The following AGBL4 variants were observed in gnomAD, a reference collection of about 807,000 sequenced individuals.
AGBL4 encodes the protein cytosolic carboxypeptidase 6.
A neutral mutation model predicts 66.4 loss-of-function variants in AGBL4; 58 were observed. The observed-to-expected ratio is 0.87, with a 90% CI of 0.71 to 1.09. The LOEUF is 1.09. Among genes scored for constraint, AGBL4 ranks in the 50% least tolerant of loss-of-function variants. The pLI, the probability that AGBL4 is intolerant of heterozygous loss-of-function variation, is 0.00. For missense variants in AGBL4, 579 were observed against 631.0 expected (o/e 0.92, Z 0.88); for synonymous variants, 234 against 222.9 (o/e 1.05, Z -0.44).
chr1:49,151,357 T>A (rs1646329754), intron 4 of AGBL4, among the ~76,000 whole-genome samples: 1 of 151,350 alleles, frequency 6.6e-6, no homozygotes, highest in Admixed American at 6.6e-5. Flanking sequence ...CAGGGAAGTT[T>A]TTGTCACCAT....
At chr1:49,010,724 C>T (rs1309901860) in intron 5 of AGBL4, among the ~76,000 whole-genome samples, 24 of 150,108 alleles carry the variant, frequency 1.6e-4, no homozygotes, top group African/African-American at 4.7e-4. Flanking sequence ...GAAATAACGC[C>T]GCATATCTAC....
intron 3 of AGBL4, among the ~76,000 whole-genome samples, chr1:49,591,424 TTGAC>T (rs1644749463): frequency 6.6e-6 from 1 of 151,950 alleles, no homozygotes; most frequent in African/African-American, 2.4e-5. Context: ...GAAAATTAAA[TTGAC>T]TGACTAAAAA....
At chr1:49,103,179 T>C (rs932823542) in intron 4 of AGBL4, among the ~76,000 whole-genome samples, 8 of 152,152 alleles carry the variant, frequency 5.3e-5, no homozygotes, top group Non-Finnish European at 1.2e-4. Flanking sequence ...GGACCCCAGA[T>C]TGAGAATTTG....
chr1:49,853,695 T>G (rs1284312697), intron 1 of AGBL4, among the ~76,000 whole-genome samples: 2 of 152,008 alleles, frequency 1.3e-5, no homozygotes, highest in African/African-American at 2.4e-5. Context: ...TTTAAAGAGA[T>G]AAATCACATA....
intron 4 of AGBL4, among the ~76,000 whole-genome samples, chr1:49,064,816 T>C (rs1644463668): frequency 6.6e-6 from 1 of 152,140 alleles, no homozygotes; most frequent in South Asian, 2.1e-4. Flanking sequence ...AAGCAATTTC[T>C]CCAACTAAAA....
At chr1:49,809,737 G>T (rs953854634) in intron 2 of AGBL4, among the ~76,000 whole-genome samples, 6 of 152,104 alleles carry the variant, frequency 3.9e-5, no homozygotes, top group Non-Finnish European at 7.4e-5. Context: ...CTCCCCATGT[G>T]TGATACAGAG....
chr1:49,150,602 C>A (rs943203827), intron 4 of AGBL4, among the ~76,000 whole-genome samples: 3 of 152,184 alleles, frequency 2.0e-5, no homozygotes, highest in African/African-American at 7.2e-5. Context: ...CACTGAATTT[C>A]TTTCAACATG....
intron 3 of AGBL4, among the ~76,000 whole-genome samples, chr1:49,307,811 A>G (rs1644874270): frequency 6.6e-6 from 1 of 152,152 alleles, no homozygotes; most frequent in South Asian, 2.1e-4. Flanking sequence ...GACACATCAT[A>G]TATGTTCACA....
chr1:48,532,693 A>T (rs1262192209), downstream of AGBL4, among the ~76,000 whole-genome samples: 1 of 152,154 alleles, frequency 6.6e-6, no homozygotes, highest in African/African-American at 2.4e-5. Flanking sequence ...TTGACACGGG[A>T]ACTGCTGGAA....
At chr1:48,536,162 A>T (rs1643967647) in intron 12 of AGBL4, among the ~76,000 whole-genome samples, 1 of 152,122 alleles carries the variant, frequency 6.6e-6, no homozygotes, top group Admixed American at 6.5e-5. Flanking sequence ...TGAGTTTTGA[A>T]TGATAATTAT....
intron 6 of AGBL4, among the ~76,000 whole-genome samples, chr1:48,844,019 T>C (rs1046683949): frequency 2.0e-5 from 3 of 152,190 alleles, no homozygotes; most frequent in Non-Finnish European, 4.4e-5. Context: ...TCCTGTGAAA[T>C]AGTGTTATTC....
intron 1 of AGBL4, among the ~76,000 whole-genome samples, chr1:49,948,718 T>C (rs1358243941): frequency 6.6e-6 from 1 of 150,802 alleles, no homozygotes; most frequent in East Asian, 1.9e-4. Flanking sequence ...GCACATCCTA[T>C]GTTCATGGAT....
chr1:48,748,454 AC>A (rs1221203461), intron 6 of AGBL4, among the ~76,000 whole-genome samples: 1 of 152,298 alleles, frequency 6.6e-6, no homozygotes, highest in Non-Finnish European at 1.5e-5. Flanking sequence ...GCAGCAGACT[AC>A]CACCAGCCAT....
At chr1:49,050,781 T>C (rs930582279) in intron 4 of AGBL4, among the ~76,000 whole-genome samples, 1 of 152,116 alleles carries the variant, frequency 6.6e-6, no homozygotes, top group Admixed American at 6.6e-5. Context: ...TAAATACTAA[T>C]TGCAGACACT....
At chr1:49,597,983 C>T (rs1165660202) in intron 3 of AGBL4, among the ~76,000 whole-genome samples, 3 of 152,206 alleles carry the variant, frequency 2.0e-5, no homozygotes, top group African/African-American at 2.4e-5. Context: ...TTGACTTCCT[C>T]CCTTCTTATG....
At chr1:48,573,491 T>A (rs1176152474) in intron 11 of AGBL4, among the ~76,000 whole-genome samples, 4 of 152,176 alleles carry the variant, frequency 2.6e-5, no homozygotes, top group African/African-American at 9.7e-5. Context: ...CAAATCCCAG[T>A]CACAGACTGA....
At chr1:49,702,317 C>T (rs1245094564) in intron 2 of AGBL4, among the ~76,000 whole-genome samples, 1 of 151,996 alleles carries the variant, frequency 6.6e-6, no homozygotes, top group Non-Finnish European at 1.5e-5. Flanking sequence ...ATGGTGAAAA[C>T]TCGTCTCTAC....
chr1:49,508,433 A>G (rs1648892820), intron 3 of AGBL4, among the ~76,000 whole-genome samples: 1 of 152,050 alleles, frequency 6.6e-6, no homozygotes, highest in Non-Finnish European at 1.5e-5. Context: ...TGTGGCCCAT[A>G]GTAGAAAAAT....
intron 3 of AGBL4, among the ~76,000 whole-genome samples, chr1:49,391,027 A>G (rs1463347089): frequency 6.6e-6 from 1 of 152,148 alleles, no homozygotes; most frequent in Non-Finnish European, 1.5e-5. Flanking sequence ...TGGAAGAGGA[A>G]GATGAAATTC....
Sources: gnomAD v4.1 joint callset for allele counts (sites outside exome capture counted in the v4.1 genomes callset) on GRCh38, gnomAD v4.1.1 for gene constraint, MANE v1.5 for transcripts, NCBI Gene and HGNC (gene_info 2026-07-23, HGNC 2026-07-21) for gene names.